The following RPRD2 variants were observed in gnomAD, a reference collection of about 807,000 sequenced individuals.
The protein encoded by RPRD2 is regulation of nuclear pre-mRNA domain-containing protein 2.
RPRD2 carries 12 observed loss-of-function variants against 104.4 expected under a neutral mutation model. The ratio of observed to expected loss-of-function variants is 0.11; its 90% CI spans 0.07 to 0.19. RPRD2 has a LOEUF of 0.19. RPRD2 is among the 10% of genes least tolerant of loss of function. The probability of loss-of-function intolerance (pLI) is 1.00; values close to 1 mark genes in which losing one functional copy is unlikely to be tolerated. For synonymous variants in RPRD2, 714 were observed against 684.9 expected, an observed-to-expected ratio of 1.04 and a Z score of -0.66; for missense variants, 1,543 against 1,790.1, an observed-to-expected ratio of 0.86 and a Z score of 2.49.
chr1:150,393,752 T>A (rs1662277899), intron 1 of RPRD2, among the ~76,000 whole-genome samples: 1 of 152,148 alleles, frequency 6.6e-6, no homozygotes, highest in Admixed American at 6.6e-5. Flanking sequence ...AACCTGAACC[T>A]ACTCTTGAGA....
chr1:150,388,312 GTA>G (rs587638047), intron 1 of RPRD2, among the ~76,000 whole-genome samples: 267 of 149,982 alleles, frequency 1.8e-3, no homozygotes, highest in African/African-American at 6.2e-3. Flanking sequence ...GTATGTGTGT[GTA>G]TATATGTATG....
intron 2 of RPRD2, among the ~76,000 whole-genome samples, chr1:150,427,676 G>C (rs1665245719): frequency 6.6e-6 from 1 of 152,032 alleles, no homozygotes; most frequent in Non-Finnish European, 1.5e-5. Flanking sequence ...GCGCGTGCCT[G>C]TGTTTCCAGC....
At chr1:150,397,221 G>C (rs1253989287) in intron 1 of RPRD2, among the ~76,000 whole-genome samples, 3 of 152,144 alleles carry the variant, frequency 2.0e-5, no homozygotes, top group Admixed American at 2.0e-4. Context: ...TGATCCACCT[G>C]CCTCGGCCTC....
rs1459136274 is a variant in RPRD2 at position 150,364,668 on chromosome 1, C to CCGA, written c.-45_-44insACG. 1 of 1,145,762 alleles carries CCGA rather than the reference C, an allele frequency of 8.7e-7. No individual in the cohort carries two copies. Among genetic ancestry groups the CCGA allele is most frequent in the Non-Finnish European group, 1.2e-6 (1 of 809,130 alleles). The allele number at this position is 1,145,762 out of a possible 1,614,324, so 71.0% of individuals were successfully genotyped here. ...GTTTTGCCCGCTCCCGCCGCCGCCG[C>CCGA]CGCCGCCGCCGCCAGAGGAGCAGCA... On this transcript the variant is annotated 5_prime_UTR_variant, in exon 1 of 11. Coordinates refer to ENST00000369068, the MANE Select transcript of RPRD2 (RefSeq NM_015203.5).
At chr1:150,442,334 A>G (rs1323910114) in intron 4 of RPRD2, among the ~76,000 whole-genome samples, 1 of 152,172 alleles carries the variant, frequency 6.6e-6, no homozygotes, top group African/African-American at 2.4e-5. Flanking sequence ...GAGACTAGGC[A>G]TTAAGAAGCA....
At position 150,428,890 on chromosome 1, in the gene RPRD2, G is replaced by C. The variant is rs138078139; in HGVS notation, c.335+11165G>C. Among the ~76,000 whole-genome samples the C allele has an allele frequency of 2.5e-3, 387 of 152,138 alleles. 2 individuals are homozygous for C. The highest frequency in any genetic ancestry group is 8.8e-3 in the African/African-American group (365 of 41,518). ...AGTACCTTCCTGTTATAAGAGTAAG[G>C]GGGGGTGTCATTAGCAAAGAAAGCA... On this transcript the variant is annotated intron_variant, in intron 2 of 10. Transcript: ENST00000369068.
chr1:150,422,066 T>C (rs587615570), intron 2 of RPRD2, among the ~76,000 whole-genome samples: 1 of 152,034 alleles, frequency 6.6e-6, no homozygotes, highest in African/African-American at 2.4e-5. Context: ...CTCACACCTG[T>C]AATCCCAGCA....
intron 2 of RPRD2, among the ~76,000 whole-genome samples, chr1:150,420,341 C>A (rs782149721): frequency 6.6e-6 from 1 of 151,942 alleles, no homozygotes; most frequent in Admixed American, 6.6e-5. Flanking sequence ...GACATAATCT[C>A]GGAATAAAGT....
At chr1:150,365,868 G>A (rs781911032) in intron 1 of RPRD2, among the ~76,000 whole-genome samples, 9 of 152,186 alleles carry the variant, frequency 5.9e-5, no homozygotes, top group Non-Finnish European at 1.2e-4. Flanking sequence ...AGGGATTACA[G>A]ACGTGAGCCC....
At chr1:150,381,010 A>G (rs1329807929) in intron 1 of RPRD2, among the ~76,000 whole-genome samples, 1 of 151,984 alleles carries the variant, frequency 6.6e-6, no homozygotes, top group Non-Finnish European at 1.5e-5. Flanking sequence ...TTATTTGCTT[A>G]TTTATTGAGA....
intron 1 of RPRD2, among the ~76,000 whole-genome samples, chr1:150,404,771 C>T (rs967476881): frequency 1.4e-4 from 22 of 152,066 alleles, no homozygotes; most frequent in African/African-American, 3.1e-4. Flanking sequence ...TGCCCGGCCT[C>T]GTCACATATT....
chr1:150,459,587 T>G (rs1199136550), intron 8 of RPRD2, among the ~76,000 whole-genome samples: 1 of 151,252 alleles, frequency 6.6e-6, no homozygotes, highest in Non-Finnish European at 1.5e-5. Context: ...TTCTGGAAAT[T>G]GCTTGCTTTT....
At chr1:150,389,490 A>G (rs1168900751) in intron 1 of RPRD2, among the ~76,000 whole-genome samples, 3 of 152,162 alleles carry the variant, frequency 2.0e-5, no homozygotes, top group Non-Finnish European at 4.4e-5. Context: ...CCACAGAGGT[A>G]AAGTTCCATT....
rs1668690621 is a variant in RPRD2 at position 150,472,897 on chromosome 1, G to A, written c.3949G>A (p.Val1317Met). ...FPAPPLAEHGVAGAVAVFPKD... is the reference protein window; with the variant it reads ...FPAPPLAEHGMAGAVAVFPKD... ...AGCCCCACCACTGGCAGAGCACGGA[G>A]TGGCAGGGGCTGTGGCAGTATTTCC... is the stretch of plus-strand genomic sequence containing the variant. Residue 1317 changes from valine (V) to methionine (M), a missense_variant, in exon 11 of 11, where the codon GTG (valine) becomes ATG (methionine). By Grantham distance (21) the Val-to-Met change is conservative. Transcript: ENST00000369068. 3 of 1,612,966 alleles carry A rather than the reference G, an allele frequency of 1.9e-6. No individual in the cohort carries two copies. The highest frequency in any genetic ancestry group is 2.5e-6 in the Non-Finnish European group (3 of 1,179,516).
intron 7 of RPRD2, among the ~76,000 whole-genome samples, chr1:150,450,189 T>G (rs1667057504): frequency 6.6e-6 from 1 of 152,226 alleles, no homozygotes; most frequent in Non-Finnish European, 1.5e-5. Context: ...TTAAGTCCAG[T>G]ATGAAGACCT....
At chr1:150,404,563 T>C (rs1663315987) in intron 1 of RPRD2, among the ~76,000 whole-genome samples, 3 of 152,128 alleles carry the variant, frequency 2.0e-5, no homozygotes, top group Admixed American at 6.6e-5. Context: ...GAAGTCTGTT[T>C]CTTATAGCTA....
chr1:150,368,530 C>A (rs1553877608), intron 1 of RPRD2, among the ~76,000 whole-genome samples: 1 of 147,314 alleles, frequency 6.8e-6, no homozygotes, highest in African/African-American at 2.5e-5. Flanking sequence ...ATGGCACGAT[C>A]TCAGCTCACT....
In RPRD2 at chr1:150,471,441, G is replaced by A. The variant is rs747993989; in HGVS notation, c.2493G>A (p.Glu831=). The A allele has an allele frequency of 1.2e-6, 2 of 1,613,878 alleles. No homozygotes were observed. Among genetic ancestry groups the A allele is most frequent in the Non-Finnish European group, 1.7e-6 (2 of 1,179,876 alleles). The change falls in exon 11 of 11, where the codon GAG becomes GAA. Residue 831 remains glutamate, a synonymous_variant. Coordinates refer to ENST00000369068, the MANE Select transcript of RPRD2 (RefSeq NM_015203.5). The surrounding 1 kb of genome is among the most constrained non-coding windows in gnomAD (Gnocchi z 5.3). The stretch of plus-strand genomic sequence containing the variant: ...CAGATACTTCTTTCCAAGAAGATGA[G>A]GATTACCGAGATTTTGAGTATTCAG... ...FYPDTSFQED[E]DYRDFEYSGP... is the part of the protein sequence containing the mutation.
intron 7 of RPRD2, among the ~76,000 whole-genome samples, chr1:150,453,363 C>T (rs1243870939): frequency 6.6e-6 from 1 of 152,070 alleles, no homozygotes; most frequent in Non-Finnish European, 1.5e-5. Flanking sequence ...TGTGGCCAGT[C>T]TCCCAGCACT....
Sources: gnomAD v4.1 joint callset for allele counts (sites outside exome capture counted in the v4.1 genomes callset) on GRCh38, gnomAD v4.1.1 for gene constraint, Gnocchi (gnomAD v3.1) non-coding constraint, MANE v1.5 for transcripts, NCBI Gene and HGNC (gene_info 2026-07-23, HGNC 2026-07-21) for gene names.